The following CRYBG1 variants were observed in gnomAD, a reference collection of about 807,000 sequenced individuals.
CRYBG1 encodes the protein beta/gamma crystallin domain-containing protein 1.
A neutral mutation model predicts 189.2 loss-of-function variants in CRYBG1; 139 were observed. That is an observed-to-expected ratio of 0.73 (90% confidence interval 0.64 to 0.85). CRYBG1 has a LOEUF of 0.85. Ranked by LOEUF, CRYBG1 falls within the 40% of genes least tolerant of loss-of-function variation. CRYBG1 has a pLI of 0.00. For missense variants in CRYBG1, 2,611 were observed against 2,675.8 expected (o/e 0.98, Z 0.53); for synonymous variants, 1,023 against 1,017.1 (o/e 1.01, Z -0.11).
At position 106,432,562 on chromosome 6, in the gene CRYBG1, G is replaced by C. The variant is rs1041684760; in HGVS notation, c.174-19132G>C. On this transcript the variant is annotated intron_variant, in intron 1 of 21. Transcript: ENST00000633556. ...AGGGAAATCAGTAGGTTATTGCAAG[G>C]CTTGAACAATTGAGAGTTAAGGGTG... Among the ~76,000 whole-genome samples the C allele has an allele frequency of 3.3e-5, 5 of 152,182 alleles. No homozygotes were observed. In the South Asian group the frequency reaches 6.2e-4, roughly 19 times the overall value.
At chr6:106,538,445 T>C (rs1056107685) in intron 8 of CRYBG1, among the ~76,000 whole-genome samples, 3 of 152,100 alleles carry the variant, frequency 2.0e-5, no homozygotes, top group African/African-American at 7.2e-5. Flanking sequence ...TCAAAAAGCT[T>C]TGTGGCCTGG....
In CRYBG1 at chr6:106,511,926, C is replaced by T. The variant is rs1212493943; in HGVS notation, c.809C>T (p.Thr270Met). The T allele has an allele frequency of 9.2e-6, 14 of 1,524,632 alleles. No individual in the cohort carries two copies. The highest frequency in any genetic ancestry group is 2.0e-5 in the Admixed American group (1 of 49,992). 94.4% of individuals were successfully genotyped at this position (1,524,632 alleles called of 1,614,324 possible). Residue 270 changes from threonine to methionine, a missense_variant, in exon 3 of 22, where the codon ACG becomes ATG. This residue lies in a region of CRYBG1 where 985 missense variants were observed against 924.4 expected (regional missense o/e 1.07). Transcript: ENST00000633556. ...TCCTCCAGGCAAGAGAACGCAGAGA[C>T]GCCCGCCCGCAGTCCGGGGGAGGAC... ...GNSSRQENAE[T>M]PARSPGEDAS...
intron 1 of CRYBG1, among the ~76,000 whole-genome samples, chr6:106,423,077 C>T (rs1345282435): frequency 1.3e-5 from 2 of 152,134 alleles, no homozygotes; most frequent in East Asian, 3.8e-4. Context: ...GATGTAGTTA[C>T]TTCTTGGTGT....
intron 2 of CRYBG1, among the ~76,000 whole-genome samples, chr6:106,472,029 C>T (rs971225723): frequency 1.3e-5 from 2 of 152,072 alleles, no homozygotes; most frequent in African/African-American, 2.4e-5. Context: ...ACTCTCTGAG[C>T]GTTATGCATA....
At chr6:106,464,219 G>C (rs1772067386) in intron 2 of CRYBG1, among the ~76,000 whole-genome samples, 1 of 152,166 alleles carries the variant, frequency 6.6e-6, no homozygotes, top group African/African-American at 2.4e-5. Context: ...AGTTGGCCAG[G>C]CGCAGTGGCT....
At chr6:106,403,293 C>A (rs1245140752) in intron 1 of CRYBG1, among the ~76,000 whole-genome samples, 1 of 152,200 alleles carries the variant, frequency 6.6e-6, no homozygotes, top group Non-Finnish European at 1.5e-5. Flanking sequence ...GGTTCCACTG[C>A]ACTCCAGTCT....
chr6:106,568,571 AGAAG>A lies in CRYBG1; in HGVS notation c.*10_*13del, dbSNP rs1195004969. 1 of 1,594,004 alleles carries A rather than the reference AGAAG, an allele frequency of 6.3e-7. No homozygotes were observed. The highest frequency in any genetic ancestry group is 1.3e-5 in the African/African-American group (1 of 74,466). On this transcript the variant is annotated 3_prime_UTR_variant, in exon 22 of 22. Transcript: ENST00000633556. ...GCCATGGTCCTATATACCTGAACAA[AGAAG>A]GAAGAAGAATCTTCTGGAGGTCCTT...
chr6:106,570,158 C>T lies in CRYBG1; in HGVS notation c.*1592C>T, dbSNP rs139554479. 6 of 152,356 alleles carry T rather than the reference C, an allele frequency of 3.9e-5. No individual in the cohort carries two copies. In the East Asian group the frequency reaches 7.7e-4, roughly 20 times the overall value. 9.4% of individuals were successfully genotyped at this position (152,356 alleles called of 1,614,324 possible). A position where few individuals can be genotyped will look rare whatever the true frequency, so the allele number is the denominator to read the frequency against. ...CATCACTCAATACTGGTGCTCTTGTCACAGGTAGAACAGCTTGTTTCTTTT... is the reference window on the plus strand; with the variant it reads ...CATCACTCAATACTGGTGCTCTTGTTACAGGTAGAACAGCTTGTTTCTTTT... On this transcript the variant is annotated 3_prime_UTR_variant, in exon 22 of 22. Coordinates refer to ENST00000633556, the MANE Select transcript of CRYBG1 (RefSeq NM_001371242.2).
chr6:106,507,236 C>A (rs975436305), intron 2 of CRYBG1, among the ~76,000 whole-genome samples: 1 of 152,224 alleles, frequency 6.6e-6, no homozygotes, highest in African/African-American at 2.4e-5. Flanking sequence ...TCGTAGCACA[C>A]AACCCATGTG....
At chr6:106,487,739 G>A (rs1238436381) in intron 2 of CRYBG1, among the ~76,000 whole-genome samples, 1 of 151,986 alleles carries the variant, frequency 6.6e-6, no homozygotes, top group African/African-American at 2.4e-5. Context: ...TGAATTGTCT[G>A]TATTCTTATA....
rs1347489064 is a variant in CRYBG1 at position 106,560,852 on chromosome 6, T to G, written c.5905T>G (p.Ser1969Ala). 1 of 1,613,320 alleles carries G rather than the reference T, an allele frequency of 6.2e-7. No homozygotes were observed. Among genetic ancestry groups the G allele is most frequent in the African/African-American group, 1.3e-5 (1 of 74,898 alleles). ...GSYRGRQFLLSPAEVPNWYEF... is the reference protein window; with the variant it reads ...GSYRGRQFLLAPAEVPNWYEF... ...TTACAGAGGGCGACAGTTCCTATTG[T>G]CACCTGCAGAAGTACCTAATTGGTA... The change falls in exon 19 of 22, where the codon TCA becomes GCA. Residue 1969 changes from serine to alanine, a missense_variant. Physicochemically the swap from Ser to Ala is moderately conservative, Grantham distance 99. Around this residue, in one of 3 missense-constraint regions of CRYBG1, gnomAD observed 1,622 missense variants for 1,735.0 expected, o/e 0.93. Transcript: ENST00000633556.
intron 2 of CRYBG1, among the ~76,000 whole-genome samples, chr6:106,510,391 T>C (rs1266051073): frequency 1.3e-5 from 2 of 152,198 alleles, no homozygotes; most frequent in East Asian, 3.9e-4. Context: ...CGGGTTTGCT[T>C]TTATTGGTTT....
chr6:106,539,620 C>G lies in CRYBG1; in HGVS notation c.4845+91C>G, dbSNP rs564637120. On this transcript the variant is annotated intron_variant, in intron 9 of 21. Transcript: ENST00000633556. Reference sequence around the variant, plus strand: ...TGTGACTTTGAAGCAATAAAGCTGACTTTTAAGAAACAAATTTGTAGTAGA... The same window carrying G: ...TGTGACTTTGAAGCAATAAAGCTGAGTTTTAAGAAACAAATTTGTAGTAGA... The G allele has an allele frequency of 1.4e-5, 20 of 1,400,640 alleles. No homozygotes were observed. The Admixed American group carries it at 4.4e-4, about 31-fold the overall frequency. 86.8% of individuals were successfully genotyped at this position (1,400,640 alleles called of 1,614,324 possible). A position where few individuals can be genotyped will look rare whatever the true frequency, so the allele number is the denominator to read the frequency against.
At chr6:106,434,562 C>A (rs952688251) in intron 1 of CRYBG1, among the ~76,000 whole-genome samples, 1 of 152,154 alleles carries the variant, frequency 6.6e-6, no homozygotes, top group Non-Finnish European at 1.5e-5. Context: ...GCCAAGCAAG[C>A]CTCTAGACTC....
chr6:106,513,134 C>T (rs1773339174), intron 3 of CRYBG1, 95 bp downstream of exon 3: 1 of 1,393,178 alleles, frequency 7.2e-7, no homozygotes, highest in Middle Eastern at 2.5e-4. Flanking sequence ...GTGGAAGAAA[C>T]GTCTGGTCAC....
intron 2 of CRYBG1, among the ~76,000 whole-genome samples, chr6:106,463,153 C>T (rs1315567225): frequency 1.3e-5 from 2 of 151,464 alleles, no homozygotes; most frequent in Non-Finnish European, 1.5e-5. Context: ...GACCCTGTCT[C>T]TAAAAAACAA....
intron 2 of CRYBG1, among the ~76,000 whole-genome samples, chr6:106,499,265 G>A (rs1772942471): frequency 1.3e-5 from 2 of 148,782 alleles, no homozygotes. Flanking sequence ...CAATTCTCCT[G>A]CCTCAGCCTC....
At chr6:106,542,608 C>CATTTT (rs56795208) in intron 10 of CRYBG1, among the ~76,000 whole-genome samples, 2,413 of 126,724 alleles carry the variant, frequency 0.019, 71 homozygotes, top group African/African-American at 0.053. Context: ...ATGATTAGAA[C>CATTTT]ATTTTATTTT....
intron 1 of CRYBG1, among the ~76,000 whole-genome samples, chr6:106,428,466 G>GAT (rs1180400753): frequency 6.6e-6 from 1 of 152,006 alleles, no homozygotes; most frequent in Non-Finnish European, 1.5e-5. Flanking sequence ...ATACTCATGT[G>GAT]ATATATAGTA....
Sources: allele counts gnomAD v4.1 joint callset (sites outside exome capture counted in the v4.1 genomes callset), GRCh38; gene constraint gnomAD v4.1.1; regional missense constraint gnomAD v4.1.1; transcripts MANE v1.5; gene names NCBI Gene and HGNC (gene_info 2026-07-23, HGNC 2026-07-21).